The following DMD variants were observed in gnomAD, a reference collection of about 807,000 sequenced individuals.
The protein encoded by DMD is dystrophin, also known as mutant dystrophin.
Under a neutral mutation model 330.1 loss-of-function variants are expected in DMD, and 63 were observed. The observed-to-expected ratio is 0.19, with a 90% CI of 0.16 to 0.24. The LOEUF is 0.24. DMD is among the 10% of genes least tolerant of loss of function. The probability of loss-of-function intolerance (pLI) is 1.00; values close to 1 mark genes in which losing one functional copy is unlikely to be tolerated. For missense variants in DMD, 3,344 were observed against 2,684.1 expected (o/e 1.25, Z -5.43); for synonymous variants, 1,223 against 959.8 (o/e 1.27, Z -5.07).
chrX:31,450,178 G>A (rs1374924013), intron 59 of DMD, among the ~76,000 whole-genome samples: 1 of 111,613 alleles, frequency 9.0e-6, no homozygotes, highest in East Asian at 2.8e-4. Context: ...CTAGTCATGA[G>A]AAGGCAAGGA....
intron 13 of DMD, among the ~76,000 whole-genome samples, chrX:32,594,665 T>G (rs1362619441): frequency 9.0e-6 from 1 of 111,532 alleles, no homozygotes; most frequent in African/African-American, 3.3e-5. Flanking sequence ...TTTTTTATGT[T>G]TTTATACTTT....
intron 2 of DMD, among the ~76,000 whole-genome samples, chrX:32,904,807 C>G (rs1015372251): frequency 1.8e-5 from 2 of 111,976 alleles, no homozygotes. Context: ...AACTCCTGAC[C>G]TCAGGTAATC....
chrX:32,248,208 C>G (rs778301567), intron 43 of DMD, among the ~76,000 whole-genome samples: 2 of 111,412 alleles, frequency 1.8e-5, no homozygotes, highest in East Asian at 5.6e-4. Context: ...TGTAAATGCT[C>G]AGGTACAGCC....
intron 1 of DMD, among the ~76,000 whole-genome samples, chrX:33,284,183 A>G (rs1317435313): frequency 9.0e-6 from 1 of 111,035 alleles, no homozygotes; most frequent in African/African-American, 3.3e-5. Context: ...TAGTTTGAAC[A>G]ACACAGGGAG....
chrX:32,765,375 T>A (rs2148415761), intron 7 of DMD, among the ~76,000 whole-genome samples: 1 of 110,751 alleles, frequency 9.0e-6, no homozygotes, highest in East Asian at 2.9e-4. Flanking sequence ...CCACCCCTCT[T>A]GCTCCTGTTC....
intron 1 of DMD, among the ~76,000 whole-genome samples, chrX:33,028,157 G>A (rs758446033): frequency 8.9e-5 from 10 of 111,928 alleles, no homozygotes; most frequent in African/African-American, 3.2e-4. Context: ...TATAATCCAC[G>A]TGAGAAGTAA....
At chrX:31,201,195 ACACG>A (rs1454033273) in intron 67 of DMD, among the ~76,000 whole-genome samples, 7 of 107,241 alleles carry the variant, frequency 6.5e-5, no homozygotes, top group African/African-American at 1.0e-4. Context: ...ACACACACAC[ACACG>A]CACACACACA....
intron 44 of DMD, among the ~76,000 whole-genome samples, chrX:32,168,766 T>C (rs1165706648): frequency 9.0e-6 from 1 of 111,440 alleles, no homozygotes; most frequent in Admixed American, 9.6e-5. Context: ...TATTAAGTTT[T>C]CCCTTGATGT....
Position 32,380,669 on chromosome X carries a change from T to A in DMD, c.4686A>T (p.Arg1562Ser), listed in dbSNP as rs2097921084. The change falls in exon 34 of 79, where the codon AGA becomes AGT. Residue 1562 changes from arginine (R) to serine (S), a missense_variant. Arg to Ser is a moderately radical substitution (Grantham distance 110, BLOSUM62 -1). Coordinates refer to ENST00000357033, the MANE Select transcript of DMD (RefSeq NM_004006.3). ...TCAAGCATTTCTCCAACTGTTGCTT[T>A]CTTTCTGTTACCTGAAAAGAATTAT... ...YNELGAKVTE[R>S]KQQLEKCLKL... 8.3e-7 allele frequency: 1 copy of A among 1,206,549 alleles called. No individual in the cohort carries two copies. The highest frequency in any genetic ancestry group is 3.0e-5 in the East Asian group (1 of 33,759).
At chrX:32,335,604 CA>C (rs1569558424) in intron 41 of DMD, among the ~76,000 whole-genome samples, 1 of 22,148 alleles carries the variant, frequency 4.5e-5, no homozygotes, top group Non-Finnish European at 9.0e-5. Flanking sequence ...ATATATAAAA[CA>C]TTATAAAACA....
At chrX:31,648,939 T>C (rs748439265) in intron 54 of DMD, among the ~76,000 whole-genome samples, 1 of 111,092 alleles carries the variant, frequency 9.0e-6, no homozygotes, top group East Asian at 2.8e-4. Flanking sequence ...AACTCAACTT[T>C]CTAAAAATAA....
chrX:32,551,030 A>G (rs1457600414), intron 16 of DMD, among the ~76,000 whole-genome samples: 1 of 111,203 alleles, frequency 9.0e-6, no homozygotes, highest in African/African-American at 3.3e-5. Context: ...AGGACCAGAC[A>G]GATTCACACC....
intron 17 of DMD, among the ~76,000 whole-genome samples, chrX:32,535,781 G>A (rs994346092): frequency 9.0e-6 from 1 of 111,297 alleles, no homozygotes; most frequent in African/African-American, 3.3e-5. Flanking sequence ...ACAAAACCTG[G>A]AAAATCCCTC....
At chrX:32,040,373 T>C (rs2095990673) in intron 44 of DMD, among the ~76,000 whole-genome samples, 1 of 112,275 alleles carries the variant, frequency 8.9e-6, no homozygotes, top group Admixed American at 9.5e-5. Context: ...TGAGATCCTT[T>C]TCTATTTGGT....
At chrX:31,912,403 C>T (rs2094559021) in intron 47 of DMD, among the ~76,000 whole-genome samples, 1 of 111,154 alleles carries the variant, frequency 9.0e-6, no homozygotes, top group Admixed American at 9.6e-5. Context: ...AACCAACTGA[C>T]TACCACTTCT....
intron 55 of DMD, among the ~76,000 whole-genome samples, chrX:31,556,839 T>C (rs983038439): frequency 8.9e-6 from 1 of 112,391 alleles, no homozygotes; most frequent in Non-Finnish European, 1.9e-5. Context: ...GAGAGGATTA[T>C]GCTCTGGCCT....
At chrX:33,065,593 T>C (rs1252198390) in intron 1 of DMD, among the ~76,000 whole-genome samples, 1 of 92,267 alleles carries the variant, frequency 1.1e-5, no homozygotes, top group African/African-American at 3.9e-5. Context: ...GGTCTCACAA[T>C]TGGCTTTTCA....
intron 47 of DMD, among the ~76,000 whole-genome samples, chrX:31,913,698 C>G (rs2094572673): frequency 9.1e-6 from 1 of 110,430 alleles, no homozygotes; most frequent in Non-Finnish European, 1.9e-5. Flanking sequence ...AGGTCAGCAT[C>G]CATTCCAGAG....
intron 2 of DMD, among the ~76,000 whole-genome samples, chrX:32,918,542 G>C (rs1337174785): frequency 9.0e-6 from 1 of 111,009 alleles, no homozygotes; most frequent in Non-Finnish European, 1.9e-5. Flanking sequence ...GCAGAGATGA[G>C]GTTTCACCAT....
Sources: allele counts gnomAD v4.1 joint callset (sites outside exome capture counted in the v4.1 genomes callset), GRCh38; gene constraint gnomAD v4.1.1; transcripts MANE v1.5; gene names NCBI Gene and HGNC (gene_info 2026-07-23, HGNC 2026-07-21).